ACBD6: variants seen among roughly 807,000 people sequenced by gnomAD.
The protein encoded by ACBD6 is acyl-CoA-binding domain-containing protein 6.
In ACBD6, 28 loss-of-function variants were observed where a neutral mutation model predicts 37.2. The observed-to-expected ratio is 0.75, with a 90% CI of 0.56 to 1.03. The LOEUF is 1.03. Among genes scored for constraint, ACBD6 ranks in the 50% least tolerant of loss-of-function variants. The pLI is 0.00. For missense variants in ACBD6, 340 were observed against 337.4 expected, an observed-to-expected ratio of 1.01 and a Z score of -0.06; for synonymous variants, 113 against 126.8, an observed-to-expected ratio of 0.89 and a Z score of 0.73.
intron 3 of ACBD6, among the ~76,000 whole-genome samples, chr1:180,470,824 T>A (rs935414874): frequency 2.6e-5 from 4 of 152,240 alleles, no homozygotes; most frequent in African/African-American, 4.8e-5. Context: ...AGTATTTTTT[T>A]AAATAAAGTT....
At chr1:180,422,915 G>A (rs575851364) in intron 4 of ACBD6, among the ~76,000 whole-genome samples, 5 of 152,288 alleles carry the variant, frequency 3.3e-5, no homozygotes, top group Admixed American at 1.3e-4. Context: ...CAGTAGTATA[G>A]TATGTACTAC....
intron 3 of ACBD6, among the ~76,000 whole-genome samples, chr1:180,486,460 G>C (rs1321855549): frequency 2.0e-5 from 3 of 152,198 alleles, no homozygotes; most frequent in African/African-American, 7.2e-5. Flanking sequence ...AACTTACCAG[G>C]TTCCAGGTAG....
intron 1 of ACBD6, among the ~76,000 whole-genome samples, chr1:180,501,457 A>C (rs1571591544): frequency 6.6e-6 from 1 of 152,254 alleles, no homozygotes; most frequent in East Asian, 1.9e-4. Flanking sequence ...CCTCCCGAGT[A>C]GCTGGGATTA....
chr1:180,398,615 T>C lies in ACBD6; in HGVS notation c.574-1010A>G, dbSNP rs899705273. On this transcript the variant is annotated intron_variant, in intron 5 of 7. Coordinates refer to ENST00000367595, the MANE Select transcript of ACBD6 (RefSeq NM_032360.4). ...AAATATGAAATATTAATTTTAACAC[T>C]TGTCTACCAAAGACTCACAGTTACT... Among the ~76,000 whole-genome samples, 7 of 152,332 alleles carry C rather than the reference T, an allele frequency of 4.6e-5. No homozygotes were observed. The East Asian group carries it at 9.6e-4, about 21-fold the overall frequency.
chr1:180,335,959 T>G (rs1240408404), intron 6 of ACBD6, among the ~76,000 whole-genome samples: 7 of 151,048 alleles, frequency 4.6e-5, no homozygotes, highest in East Asian at 3.9e-4. Flanking sequence ...CAAGAAGAGC[T>G]AACTATCCTA....
At chr1:180,499,038 T>C (rs1314402216) in intron 1 of ACBD6, among the ~76,000 whole-genome samples, 2 of 152,272 alleles carry the variant, frequency 1.3e-5, no homozygotes, top group East Asian at 3.9e-4. Context: ...TATTAAAAGA[T>C]TATTCTGAAG....
At chr1:180,420,254 T>C (rs1297731490) in intron 4 of ACBD6, among the ~76,000 whole-genome samples, 2 of 152,234 alleles carry the variant, frequency 1.3e-5, no homozygotes, top group African/African-American at 4.8e-5. Context: ...CCACACATTT[T>C]TGCCATACTC....
At chr1:180,470,334 A>T (rs1650516246) in intron 3 of ACBD6, among the ~76,000 whole-genome samples, 1 of 152,208 alleles carries the variant, frequency 6.6e-6, no homozygotes, top group South Asian at 2.1e-4. Context: ...TCAGCTGGTT[A>T]AACAGTCTAT....
At chr1:180,360,592 T>C (rs538246375) in intron 6 of ACBD6, among the ~76,000 whole-genome samples, 1 of 152,304 alleles carries the variant, frequency 6.6e-6, no homozygotes, top group Non-Finnish European at 1.5e-5. Context: ...TAATGGAATC[T>C]AACATTCGAG....
chr1:180,482,627 T>C lies in ACBD6; in HGVS notation c.384+9642A>G, dbSNP rs537322550. 4.6e-5 allele frequency among the ~76,000 whole-genome samples: 7 copies of C among 152,226 alleles called. No homozygotes were observed. In the East Asian group the frequency reaches 1.3e-3, roughly 29 times the overall value. On this transcript the variant is annotated intron_variant, in intron 3 of 7. Transcript: ENST00000367595. ...TATTTATGTTGAACTTTGCTCCCTC[T>C]GGTGGTCACTAAAGGTTTTACTAGA... is the stretch of plus-strand genomic sequence containing the variant.
Position 180,502,175 on chromosome 1 carries a change from G to C in ACBD6, c.92C>G (p.Pro31Arg). 2 of 1,614,084 alleles carry C rather than the reference G, an allele frequency of 1.2e-6. No homozygotes were observed. Among genetic ancestry groups the C allele is most frequent in the Non-Finnish European group, 1.7e-6 (2 of 1,180,022 alleles). ...GGTCTCCTCGATCTCAGGGCTATGGGGGAACTCCACCTCCCCGGAGTCGTC... is the reference window on the plus strand; with the variant it reads ...GGTCTCCTCGATCTCAGGGCTATGGCGGAACTCCACCTCCCCGGAGTCGTC... ...SGDDSGEVEF[P>R]HSPEIEETSC... is the part of the protein sequence containing the mutation. The change falls in exon 1 of 8, where the codon CCC becomes CGC. Residue 31 changes from proline to arginine, a missense_variant. By Grantham distance (103) the Pro-to-Arg change is moderately radical. Transcript: ENST00000367595.
At chr1:180,473,370 C>A (rs1490611428) in intron 3 of ACBD6, among the ~76,000 whole-genome samples, 3 of 149,896 alleles carry the variant, frequency 2.0e-5, no homozygotes, top group Non-Finnish European at 4.5e-5. Context: ...TGGCGTGAAC[C>A]CGGGAGGCGG....
intron 6 of ACBD6, among the ~76,000 whole-genome samples, chr1:180,346,934 T>G (rs6425621): frequency 0.94 from 143,423 of 152,196 alleles, 67,623 homozygotes; most frequent in East Asian, 0.98. Flanking sequence ...GAGGATTGCT[T>G]GAGGCTAGGA....
At chr1:180,498,170 T>C (rs970416581) in intron 1 of ACBD6, among the ~76,000 whole-genome samples, 1 of 152,202 alleles carries the variant, frequency 6.6e-6, no homozygotes, top group Non-Finnish European at 1.5e-5. Context: ...TGTCACCACT[T>C]ATCTCATCAA....
intron 7 of ACBD6, among the ~76,000 whole-genome samples, chr1:180,307,590 T>A (rs1410450955): frequency 1.3e-5 from 2 of 152,216 alleles, no homozygotes; most frequent in Non-Finnish European, 2.9e-5. Context: ...TATTACACAT[T>A]GGATCCCTGT....
At chr1:180,416,254 T>C (rs1648091097) in intron 4 of ACBD6, among the ~76,000 whole-genome samples, 1 of 152,174 alleles carries the variant, frequency 6.6e-6, no homozygotes. Context: ...ATATTTCCTT[T>C]CTTGCCCCCT....
intron 3 of ACBD6, among the ~76,000 whole-genome samples, chr1:180,457,793 GTTT>G (rs200745890): frequency 1.5e-5 from 2 of 136,604 alleles, no homozygotes; most frequent in Admixed American, 7.4e-5. Flanking sequence ...AAAATTAACT[GTTT>G]TTTTTTTTTT....
chr1:180,434,461 C>A (rs1332701832), intron 3 of ACBD6, among the ~76,000 whole-genome samples: 1 of 152,192 alleles, frequency 6.6e-6, no homozygotes, highest in African/African-American at 2.4e-5. Flanking sequence ...GCTGAGAGAT[C>A]TGAAGAATCT....
intron 3 of ACBD6, among the ~76,000 whole-genome samples, chr1:180,446,464 T>G (rs892049891): frequency 2.6e-5 from 4 of 152,174 alleles, no homozygotes; most frequent in African/African-American, 9.7e-5. Context: ...AGAGGAACAC[T>G]TTTCTGATAA....
Sources: gnomAD v4.1 joint callset for allele counts (sites outside exome capture counted in the v4.1 genomes callset) on GRCh38, gnomAD v4.1.1 for gene constraint, MANE v1.5 for transcripts, NCBI Gene and HGNC (gene_info 2026-07-23, HGNC 2026-07-21) for gene names.